The following CNBD1 variants were observed in gnomAD, a reference collection of about 807,000 sequenced individuals.
The protein encoded by CNBD1 is cyclic nucleotide-binding domain-containing protein 1.
In CNBD1, 71 loss-of-function variants were observed where a neutral mutation model predicts 54.4. The observed-to-expected ratio is 1.30, with a 90% CI of 1.08 to 1.59. The LOEUF is 1.59. CNBD1 is among the 40% of genes most tolerant of loss of function. CNBD1 has a pLI of 0.00. For missense variants in CNBD1, 659 were observed against 518.0 expected, an observed-to-expected ratio of 1.27 and a Z score of -2.64; for synonymous variants, 182 against 170.7, an observed-to-expected ratio of 1.07 and a Z score of -0.51.
At chr8:87,259,902 A>G (rs1808101418) in intron 6 of CNBD1, among the ~76,000 whole-genome samples, 1 of 152,136 alleles carries the variant, frequency 6.6e-6, no homozygotes. Flanking sequence ...GATAGGCCAA[A>G]TGGCTGATAT....
chr8:87,370,119 G>A (rs1455732752), intron 10 of CNBD1, among the ~76,000 whole-genome samples: 1 of 151,722 alleles, frequency 6.6e-6, no homozygotes, highest in Non-Finnish European at 1.5e-5. Flanking sequence ...TCTTAATCCA[G>A]TCTATCATTG....
chr8:86,965,489 T>G (rs1302403392), intron 4 of CNBD1, among the ~76,000 whole-genome samples: 1 of 152,128 alleles, frequency 6.6e-6, no homozygotes, highest in Non-Finnish European at 1.5e-5. Flanking sequence ...AAGCCTGTCC[T>G]CCTTAAGTCT....
At chr8:86,959,461 T>A (rs1240155270) in intron 4 of CNBD1, among the ~76,000 whole-genome samples, 5 of 152,200 alleles carry the variant, frequency 3.3e-5, no homozygotes, top group Non-Finnish European at 7.3e-5. Context: ...CTTGGTTCCA[T>A]TCTCCCCGTC....
intron 8 of CNBD1, among the ~76,000 whole-genome samples, chr8:87,299,074 A>G (rs892164619): frequency 6.6e-6 from 1 of 152,186 alleles, no homozygotes; most frequent in South Asian, 2.1e-4. Context: ...AATTTCTTCA[A>G]GAGGTTTTCT....
intron 8 of CNBD1, among the ~76,000 whole-genome samples, chr8:87,334,864 C>A (rs1335379800): frequency 6.6e-6 from 1 of 152,020 alleles, no homozygotes; most frequent in African/African-American, 2.4e-5. Context: ...GCTGGGACTA[C>A]AGGTGCCCAC....
intron 4 of CNBD1, among the ~76,000 whole-genome samples, chr8:86,980,310 T>C (rs1480045886): frequency 3.3e-5 from 5 of 152,232 alleles, no homozygotes; most frequent in Admixed American, 6.5e-5. Context: ...AAGAGTACTA[T>C]CCAGCCAAGC....
chr8:87,265,028 G>T (rs942393964), intron 6 of CNBD1, among the ~76,000 whole-genome samples: 4 of 151,990 alleles, frequency 2.6e-5, no homozygotes, highest in Non-Finnish European at 2.9e-5. Flanking sequence ...GTCAATTTTG[G>T]CTTTTGTTGC....
intron 4 of CNBD1, among the ~76,000 whole-genome samples, chr8:87,160,055 A>T (rs951863988): frequency 2.6e-5 from 4 of 151,954 alleles, no homozygotes; most frequent in African/African-American, 9.7e-5. Context: ...ATATATATAC[A>T]CAGATGTGTT....
rs1554554190 is a variant in CNBD1 at position 87,092,575 on chromosome 8, G to GTA, written c.432-113408_432-113407dup. ...TATATATACACATATGTGTGTGTGT[G>GTA]TATATATATATGTATTTCCCCTCTC... On this transcript the variant is annotated intron_variant, in intron 4 of 10. Coordinates refer to ENST00000518476, the MANE Select transcript of CNBD1 (RefSeq NM_173538.3). Among the ~76,000 whole-genome samples, 119 of 148,918 alleles carry GTA rather than the reference G, an allele frequency of 8.0e-4. 1 individual carries two copies. The highest frequency in any genetic ancestry group is 2.8e-3 in the African/African-American group (113 of 39,766).
chr8:87,421,164 C>A (rs996678298), intron 2 of CNBD1, among the ~76,000 whole-genome samples: 58 of 152,118 alleles, frequency 3.8e-4, no homozygotes, highest in South Asian at 3.7e-3. Flanking sequence ...CAAATTTTAC[C>A]TTATCTCTGC....
chr8:87,267,283 A>C (rs182970124), intron 6 of CNBD1, among the ~76,000 whole-genome samples: 1 of 152,312 alleles, frequency 6.6e-6, no homozygotes, highest in East Asian at 1.9e-4. Context: ...TACCATAAAT[A>C]ATTTGTACAT....
intron 4 of CNBD1, among the ~76,000 whole-genome samples, chr8:86,977,535 A>G (rs1156257507): frequency 6.6e-6 from 1 of 152,234 alleles, no homozygotes; most frequent in Admixed American, 6.5e-5. Flanking sequence ...CAGAAATCAA[A>G]GAGGAGACAT....
intron 4 of CNBD1, among the ~76,000 whole-genome samples, chr8:87,055,393 C>T (rs1449065266): frequency 2.6e-5 from 4 of 152,176 alleles, no homozygotes; most frequent in Non-Finnish European, 5.9e-5. Context: ...CAAAGCATAG[C>T]TTCTCTTGTT....
chr8:87,362,761 T>C (rs146214992), intron 10 of CNBD1, among the ~76,000 whole-genome samples: 18 of 152,196 alleles, frequency 1.2e-4, no homozygotes, highest in Non-Finnish European at 1.9e-4. Flanking sequence ...TCCTTTTAGA[T>C]ACCAATTTTG....
At chr8:87,366,724 G>T (rs527848931) in intron 10 of CNBD1, among the ~76,000 whole-genome samples, 1 of 152,102 alleles carries the variant, frequency 6.6e-6, no homozygotes, top group Admixed American at 6.6e-5. Flanking sequence ...AGCATGACAG[G>T]TATCTCTGCT....
intron 4 of CNBD1, among the ~76,000 whole-genome samples, chr8:87,061,109 T>C (rs1810536186): frequency 6.6e-6 from 1 of 152,218 alleles, no homozygotes; most frequent in East Asian, 1.9e-4. Context: ...GTCAAGCTGG[T>C]AATCAAACTT....
At chr8:87,230,123 A>G (rs1814642197) in intron 5 of CNBD1, among the ~76,000 whole-genome samples, 1 of 152,166 alleles carries the variant, frequency 6.6e-6, no homozygotes, top group Non-Finnish European at 1.5e-5. Context: ...AGGAACAGAG[A>G]GAAGAGGGAG....
At chr8:86,939,920 C>G in intron 4 of CNBD1, 166 bp downstream of exon 4, 1 of 464,514 alleles carries the variant, frequency 2.2e-6, no homozygotes, top group Non-Finnish European at 3.8e-6. Flanking sequence ...TATATAAATA[C>G]AGTCTTCATG....
chr8:87,105,946 T>C (rs1016146126), intron 4 of CNBD1, among the ~76,000 whole-genome samples: 3 of 152,100 alleles, frequency 2.0e-5, no homozygotes, highest in African/African-American at 7.2e-5. Context: ...GATTTAGCAA[T>C]TGGGACCACA....
Sources: gnomAD v4.1 joint callset for allele counts (sites outside exome capture counted in the v4.1 genomes callset) on GRCh38, gnomAD v4.1.1 for gene constraint, MANE v1.5 for transcripts, NCBI Gene and HGNC (gene_info 2026-07-23, HGNC 2026-07-21) for gene names.